Variants in MAP7 observed in about 807,000 individuals in gnomAD.
The protein encoded by MAP7 is ensconsin.
In MAP7, 52 loss-of-function variants were observed where a neutral mutation model predicts 94.8. That is an observed-to-expected ratio of 0.55 (90% CI 0.44 to 0.69). The LOEUF (loss-of-function observed/expected upper bound fraction) is 0.69, where lower values mean the gene tolerates loss of function less well. Ranked by LOEUF, MAP7 falls within the 30% of genes least tolerant of loss-of-function variation. The pLI is 0.00. For missense variants in MAP7, 940 were observed against 964.6 expected, an observed-to-expected ratio of 0.97 and a Z score of 0.34; for synonymous variants, 350 against 357.0, an observed-to-expected ratio of 0.98 and a Z score of 0.22.
At position 136,352,119 on chromosome 6, in the gene MAP7, G is replaced by C. The variant is rs193102396; in HGVS notation, c.2015+4573C>G. 6.5e-4 allele frequency among the ~76,000 whole-genome samples: 99 copies of C among 152,060 alleles called. 1 individual carries two copies. The highest frequency in any genetic ancestry group is 2.4e-3 in the African/African-American group (99 of 41,472). On this transcript the variant is annotated intron_variant, in intron 16 of 17. Coordinates refer to ENST00000354570, the MANE Select transcript of MAP7 (RefSeq NM_003980.6). Reference sequence around the variant, plus strand: ...CTAACAAGGTCTGGATTACAGACCTGCAGGGTAAGGGATCTTTCTTCTTGG... The same window carrying C: ...CTAACAAGGTCTGGATTACAGACCTCCAGGGTAAGGGATCTTTCTTCTTGG...
intron 4 of MAP7, among the ~76,000 whole-genome samples, chr6:136,388,866 A>C (rs1325673634): frequency 1.3e-5 from 2 of 152,170 alleles, no homozygotes; most frequent in Non-Finnish European, 2.9e-5. Context: ...TATTTAAAAA[A>C]CAGTTCAGAA....
intron 1 of MAP7, among the ~76,000 whole-genome samples, chr6:136,444,490 A>C (rs1339826879): frequency 2.0e-5 from 3 of 152,220 alleles, no homozygotes; most frequent in Non-Finnish European, 4.4e-5. Context: ...CAAACTCAAC[A>C]CAAGGCACTG....
At chr6:136,418,146 G>A (rs1469281306) in intron 2 of MAP7, among the ~76,000 whole-genome samples, 1 of 152,156 alleles carries the variant, frequency 6.6e-6, no homozygotes, top group East Asian at 1.9e-4. Flanking sequence ...GTCGTTCCAG[G>A]ATAACACAGA....
chr6:136,494,037 A>G (rs2128995604), intron 1 of MAP7, among the ~76,000 whole-genome samples: 1 of 152,312 alleles, frequency 6.6e-6, no homozygotes, highest in African/African-American at 2.4e-5. Context: ...ACCATATAAA[A>G]CCACTTTTCT....
chr6:136,424,494 C>T (rs959152652), intron 1 of MAP7, among the ~76,000 whole-genome samples: 2 of 152,224 alleles, frequency 1.3e-5, no homozygotes, highest in East Asian at 1.9e-4. Context: ...AAACAAGCAC[C>T]CTGGTGGTCT....
intron 1 of MAP7, among the ~76,000 whole-genome samples, chr6:136,446,064 G>T (rs1013285192): frequency 4.6e-5 from 7 of 152,188 alleles, no homozygotes; most frequent in Middle Eastern, 3.2e-3. Flanking sequence ...CTCATGGTTC[G>T]ATTAATTTGC....
At chr6:136,532,175 G>T (rs115282483) in intron 1 of MAP7, among the ~76,000 whole-genome samples, 54 of 152,284 alleles carry the variant, frequency 3.5e-4, no homozygotes, top group African/African-American at 1.2e-3. Flanking sequence ...CATCATCAGC[G>T]CACTGAGGAA....
At chr6:136,428,410 C>T (rs1416566469) in intron 1 of MAP7, among the ~76,000 whole-genome samples, 1 of 152,180 alleles carries the variant, frequency 6.6e-6, no homozygotes, top group Admixed American at 6.5e-5. Context: ...ATCCCAGCTA[C>T]TCGGGAGGCT....
At chr6:136,471,645 T>A (rs192650060) in intron 1 of MAP7, among the ~76,000 whole-genome samples, 1 of 152,252 alleles carries the variant, frequency 6.6e-6, no homozygotes, top group East Asian at 1.9e-4. Context: ...AAATAAAGAT[T>A]CAGTTACAAA....
chr6:136,383,855 GAA>G, intron 5 of MAP7, 74 bp from the exon 6 acceptor site: 1 of 837,374 alleles, frequency 1.2e-6, no homozygotes, highest in Admixed American at 2.0e-5. Flanking sequence ...CTGATGGAAG[GAA>G]AAACTAGGAT....
Position 136,411,666 on chromosome 6 carries a change from C to A in MAP7, c.198G>T (p.Arg66=). The part of the protein sequence containing the change: ...DPPPVLRVDD[R]QRLARERREE... Reference sequence around the variant, plus strand: ...CACGTCGCTCCCGGGCCAGCCGCTGCCGGTCATCAACACGTAACACAGGCG... The same window carrying A: ...CACGTCGCTCCCGGGCCAGCCGCTGACGGTCATCAACACGTAACACAGGCG... The change falls in exon 3 of 18, where the codon CGG becomes CGT. Residue 66 remains arginine, a synonymous_variant. Transcript: ENST00000354570. 2.6e-6 allele frequency: 4 copies of A among 1,567,870 alleles called. No homozygotes were observed. The highest frequency in any genetic ancestry group is 3.5e-6 in the Non-Finnish European group (4 of 1,154,756).
intron 2 of MAP7, among the ~76,000 whole-genome samples, 188 bp from the exon 3 acceptor site, chr6:136,411,885 C>A (rs1240043765): frequency 6.6e-6 from 1 of 152,156 alleles, no homozygotes; most frequent in Non-Finnish European, 1.5e-5. Context: ...CTAAGGATTT[C>A]TAAGCATTTT....
chr6:136,475,030 A>G (rs542205237), intron 1 of MAP7, among the ~76,000 whole-genome samples: 1 of 152,320 alleles, frequency 6.6e-6, no homozygotes, highest in East Asian at 1.9e-4. Flanking sequence ...TAAAATTTTT[A>G]TAATTACTTT....
At chr6:136,541,877 G>A (rs1271654981) in intron 1 of MAP7, among the ~76,000 whole-genome samples, 4 of 152,146 alleles carry the variant, frequency 2.6e-5, no homozygotes, top group South Asian at 4.2e-4. Context: ...TGGCCAACAC[G>A]GCAAAACCCC....
chr6:136,455,227 T>C (rs116034669), intron 1 of MAP7, among the ~76,000 whole-genome samples: 4 of 152,020 alleles, frequency 2.6e-5, no homozygotes, highest in African/African-American at 9.6e-5. Flanking sequence ...TATGTGAATA[T>C]TAAAAGTGTT....
rs989815907 is a variant in MAP7, at chr6:136,542,098, T to C, written c.67+8244A>G. Among the ~76,000 whole-genome samples the C allele has an allele frequency of 5.4e-4, 82 of 152,138 alleles. 1 individual carries two copies. The highest frequency in any genetic ancestry group is 1.8e-3 in the African/African-American group (74 of 41,426). ...AAAAAAATTTCAAAGTGGTACCTAA[T>C]AAAAAAATCTTACAGATCTTTTTCA... is the stretch of plus-strand genomic sequence containing the variant. On this transcript the variant is annotated intron_variant, in intron 1 of 17. Coordinates refer to ENST00000354570, the MANE Select transcript of MAP7 (RefSeq NM_003980.6).
At chr6:136,448,572 G>T (rs1260063514) in intron 1 of MAP7, among the ~76,000 whole-genome samples, 1 of 151,832 alleles carries the variant, frequency 6.6e-6, no homozygotes, top group Non-Finnish European at 1.5e-5. Context: ...CCGCCACCAC[G>T]CCTGGTTAAT....
intron 1 of MAP7, among the ~76,000 whole-genome samples, chr6:136,514,448 T>A (rs1824165168): frequency 6.6e-6 from 1 of 151,766 alleles, no homozygotes; most frequent in South Asian, 2.1e-4. Flanking sequence ...TAGCCAGGTG[T>A]GGTGGTGTAC....
chr6:136,442,496 G>T (rs1038909968), intron 1 of MAP7, among the ~76,000 whole-genome samples: 3 of 151,950 alleles, frequency 2.0e-5, no homozygotes, highest in Admixed American at 6.6e-5. Context: ...GGTTCTTGAG[G>T]GTTTGTATGA....
Sources: gnomAD v4.1 joint callset for allele counts (sites outside exome capture counted in the v4.1 genomes callset) on GRCh38, gnomAD v4.1.1 for gene constraint, MANE v1.5 for transcripts, NCBI Gene and HGNC (gene_info 2026-07-23, HGNC 2026-07-21) for gene names.